The following ICA1 variants were observed in gnomAD, a reference collection of about 807,000 sequenced individuals.
The protein encoded by ICA1 is 69 kDa islet cell autoantigen.
A neutral mutation model predicts 71.0 loss-of-function variants in ICA1; 40 were observed. The observed-to-expected ratio is 0.56, with a 90% CI of 0.44 to 0.73. The LOEUF is 0.73. ICA1 is among the 30% of genes least tolerant of loss of function. The probability of loss-of-function intolerance (pLI) is 0.00; values close to 1 mark genes in which losing one functional copy is unlikely to be tolerated. For synonymous variants in ICA1, 207 were observed against 209.5 expected (o/e 0.99, Z 0.10); for missense variants, 578 against 576.5 (o/e 1.00, Z -0.03).
At chr7:8,195,965 G>A (rs1787372502) in intron 6 of ICA1, among the ~76,000 whole-genome samples, 1 of 148,390 alleles carries the variant, frequency 6.7e-6, no homozygotes. Flanking sequence ...GCAACAGAGT[G>A]AGGCTCCGTC....
rs146410477 is a variant in ICA1 at position 8,212,195 on chromosome 7, C to T, written c.579+6110G>A. 9.9e-4 allele frequency among the ~76,000 whole-genome samples: 150 copies of T among 152,208 alleles called. 1 individual carries two copies. Among genetic ancestry groups the T allele is most frequent in the East Asian group, 7.0e-3 (36 of 5,178 alleles). ...ACTTACTTGAAGTCCCAGGAAAACA[C>T]CACATTGAAAAAAGTACATGTCAGT... On this transcript the variant is annotated intron_variant, in intron 6 of 13. Transcript: ENST00000402384.
intron 1 of ICA1, among the ~76,000 whole-genome samples, chr7:8,254,819 T>C (rs570829683): frequency 1.3e-5 from 2 of 152,040 alleles, no homozygotes; most frequent in Non-Finnish European, 2.9e-5. Flanking sequence ...ATGCCAATGC[T>C]GCAAATGGCA....
At chr7:8,217,586 CCAAA>C (rs1196289617) in intron 6 of ICA1, among the ~76,000 whole-genome samples, 3 of 152,270 alleles carry the variant, frequency 2.0e-5, no homozygotes, top group South Asian at 2.1e-4. Flanking sequence ...ATCCAGGCGA[CCAAA>C]CAAAGAACTA....
chr7:8,114,037 A>T lies in ICA1; in HGVS notation c.1338T>A (p.Ala446=). Residue 446 remains alanine, a synonymous_variant, in exon 14 of 14, where the codon GCT becomes GCA. Coordinates refer to ENST00000402384, the MANE Select transcript of ICA1 (RefSeq NM_001136020.3). ...KDLQASLQEP[A]KAASDLTAWF... ...AGGCAGTCAGGTCTGAGGCAGCCTT[A>T]GCAGGTTCTGGGGAGAGAAGAGGAA... The T allele has an allele frequency of 6.2e-7, 1 of 1,614,194 alleles. No homozygotes were observed. The highest frequency in any genetic ancestry group is 8.5e-7 in the Non-Finnish European group (1 of 1,180,022).
chr7:8,201,475 A>G (rs894253640), intron 6 of ICA1, among the ~76,000 whole-genome samples: 1 of 152,170 alleles, frequency 6.6e-6, no homozygotes, highest in Non-Finnish European at 1.5e-5. Flanking sequence ...ATGGAGCCCA[A>G]CTTTGTCTCA....
In ICA1 at chr7:8,172,480, G is replaced by A. The variant is rs145416674; in HGVS notation, c.580-13828C>T. ...ATCTGTTTCTTTACATTTAAGGTGT[G>A]TGCTATGGACAGCATAGAGCTAGAT... On this transcript the variant is annotated intron_variant, in intron 6 of 13. Transcript: ENST00000402384. Among the ~76,000 whole-genome samples the A allele has an allele frequency of 2.0e-3, 299 of 152,214 alleles. 1 individual carries two copies. Among genetic ancestry groups the A allele is most frequent in the Non-Finnish European group, 2.6e-3 (178 of 67,964 alleles).
intron 1 of ICA1, among the ~76,000 whole-genome samples, chr7:8,260,175 G>A (rs376960641): frequency 1.3e-5 from 2 of 151,998 alleles, no homozygotes; most frequent in Admixed American, 6.5e-5. Context: ...ATCCTTCTAC[G>A]TTATGGCATA....
chr7:8,155,473 T>A (rs1193602973), intron 8 of ICA1, among the ~76,000 whole-genome samples: 2 of 152,262 alleles, frequency 1.3e-5, no homozygotes, highest in Admixed American at 1.3e-4. Context: ...GGTTCTTCCA[T>A]GCTTGTGGCA....
rs137991962 is a variant in ICA1, at chr7:8,151,360, G to A, written c.804+5756C>T. ...ATGAACAAATGACAAGCCACACTCCGGCTCGTCCCCCTCAGATTTCAGTGG... is the reference window on the plus strand; with the variant it reads ...ATGAACAAATGACAAGCCACACTCCAGCTCGTCCCCCTCAGATTTCAGTGG... On this transcript the variant is annotated intron_variant, in intron 8 of 13. Transcript: ENST00000402384. Among the ~76,000 whole-genome samples the A allele has an allele frequency of 8.1e-4, 123 of 152,276 alleles. No homozygotes were observed. In the Middle Eastern group the frequency reaches 0.024, roughly 29 times the overall value.
intron 12 of ICA1, among the ~76,000 whole-genome samples, chr7:8,133,711 G>A (rs10265913): frequency 0.015 from 2,248 of 152,234 alleles, 50 homozygotes; most frequent in African/African-American, 0.051. Context: ...AGTCAAGCAC[G>A]AATGCAGCCC....
intron 1 of ICA1, among the ~76,000 whole-genome samples, chr7:8,240,498 T>A (rs1039607403): frequency 6.6e-6 from 1 of 152,126 alleles, no homozygotes; most frequent in African/African-American, 2.4e-5. Context: ...CCAGAGCGCA[T>A]CTTCTCCTCC....
At position 8,218,402 on chromosome 7, in the gene ICA1, T is replaced by G; in HGVS notation, c.482A>C (p.Gln161Pro). ...DTWLTVNRMEQCRTEYRGALL... is the reference protein window; with the variant it reads ...DTWLTVNRMEPCRTEYRGALL... ...TGCTCCTCTATATTCCGTCCTGCAC[T>G]GTTCCATGCGGTTCACCGTCAGCCA... Residue 161 changes from glutamine (Q) to proline (P), a missense_variant, in exon 6 of 14, where the codon CAG becomes CCG. Gln to Pro is a moderately conservative substitution (Grantham distance 76). Transcript: ENST00000402384. 6.2e-7 allele frequency: 1 copy of G among 1,614,178 alleles called. No individual in the cohort carries two copies. The highest frequency in any genetic ancestry group is 2.2e-5 in the East Asian group (1 of 44,884).
chr7:8,208,806 A>G (rs1583259261), intron 6 of ICA1, among the ~76,000 whole-genome samples: 2 of 152,158 alleles, frequency 1.3e-5, no homozygotes, highest in African/African-American at 4.8e-5. Flanking sequence ...GGGTAGGGGG[A>G]GTTGTCACAG....
intron 5 of ICA1, among the ~76,000 whole-genome samples, chr7:8,220,948 G>C (rs575193078): frequency 3.3e-5 from 5 of 151,890 alleles, no homozygotes; most frequent in African/African-American, 9.7e-5. Flanking sequence ...TGCTGGAAGG[G>C]GACCAGACTG....
chr7:8,150,236 G>T (rs1036882545), intron 8 of ICA1, among the ~76,000 whole-genome samples: 3 of 152,228 alleles, frequency 2.0e-5, no homozygotes, highest in Non-Finnish European at 4.4e-5. Context: ...GTTTACCCAT[G>T]AGAACAATGG....
At chr7:8,187,176 G>A (rs1003853128) in intron 6 of ICA1, among the ~76,000 whole-genome samples, 18 of 152,250 alleles carry the variant, frequency 1.2e-4, no homozygotes, top group African/African-American at 4.1e-4. Flanking sequence ...AAACCTAGAC[G>A]ATATAGCACC....
At position 8,141,948 on chromosome 7, in the gene ICA1, G is replaced by C. The variant is rs17847173; in HGVS notation, c.903-131C>G. ...CACCACACACACGCACACGAAGAAG[G>C]GTCAACATATAGTCATTTACATGCC... On this transcript the variant is annotated intron_variant, in intron 9 of 13. Transcript: ENST00000402384. 17 of 1,456,364 alleles carry C rather than the reference G, an allele frequency of 1.2e-5. No individual in the cohort carries two copies. The South Asian group carries it at 2.1e-4, about 18-fold the overall frequency. The allele number at this position is 1,456,364 out of a possible 1,614,324, so 90.2% of individuals were successfully genotyped here. A position where few individuals can be genotyped will look rare whatever the true frequency, so the allele number is the denominator to read the frequency against.
Position 8,173,603 on chromosome 7 carries a change from T to C in ICA1, c.580-14951A>G, listed in dbSNP as rs1177707580. Among the ~76,000 whole-genome samples the C allele has an allele frequency of 6.6e-6, 1 of 152,236 alleles. No homozygotes were observed. Among genetic ancestry groups the C allele is most frequent in the East Asian group, 1.9e-4 (1 of 5,206 alleles). ...GACCGGATAATTGACAAGGGAGTTA[T>C]TCATTGCTGAAGCATTCCAACTAAT... On this transcript the variant is annotated intron_variant, in intron 6 of 13. Coordinates refer to ENST00000402384, the MANE Select transcript of ICA1 (RefSeq NM_001136020.3). This position sits in a 1 kb window ranked among gnomAD's most constrained non-coding sequence, Gnocchi z 4.0.
intron 6 of ICA1, among the ~76,000 whole-genome samples, chr7:8,176,748 TACC>T (rs558025603): frequency 6.6e-6 from 1 of 152,156 alleles, no homozygotes; most frequent in African/African-American, 2.4e-5. Flanking sequence ...CCCTCGTCCT[TACC>T]ACCACCACCA....
Sources: gnomAD v4.1 joint callset for allele counts (sites outside exome capture counted in the v4.1 genomes callset) on GRCh38, gnomAD v4.1.1 for gene constraint, Gnocchi (gnomAD v3.1) non-coding constraint, MANE v1.5 for transcripts, NCBI Gene and HGNC (gene_info 2026-07-23, HGNC 2026-07-21) for gene names.